The following TET3 variants were observed in gnomAD, a reference collection of about 807,000 sequenced individuals.
The protein encoded by TET3 is methylcytosine dioxygenase TET3.
In TET3, 19 loss-of-function variants were observed where a neutral mutation model predicts 141.4. The observed-to-expected ratio is 0.13, with a 90% CI of 0.09 to 0.20. The LOEUF is 0.20. TET3 is among the 10% of genes least tolerant of loss of function. TET3 has a pLI of 1.00. For synonymous variants in TET3, 1,043 were observed against 980.9 expected (o/e 1.06, Z -1.18); for missense variants, 1,874 against 2,356.9 (o/e 0.80, Z 4.24).
Position 74,106,663 on chromosome 2 carries a change from TTTC to T in TET3, c.*4493_*4495del, listed in dbSNP as rs1265788515. The stretch of plus-strand genomic sequence containing the variant: ...GCTTTTTAGTTGGTGCTAACCTAAA[TTTC>T]TTCTTGGGTCCACAGAAGTTGATGT... On this transcript the variant is annotated 3_prime_UTR_variant, in exon 12 of 12. Coordinates refer to ENST00000409262, the MANE Select transcript of TET3 (RefSeq NM_001287491.2). 1 of 153,796 alleles carries T rather than the reference TTTC, an allele frequency of 6.5e-6. No homozygotes were observed. The highest frequency in any genetic ancestry group is 1.5e-5 in the Non-Finnish European group (1 of 68,050). The allele number at this position is 153,796 out of a possible 1,614,324, so 9.5% of individuals were successfully genotyped here. A position where few individuals can be genotyped will look rare whatever the true frequency, so the allele number is the denominator to read the frequency against.
chr2:73,985,544 G>A (rs1050339873), intron 1 of TET3, among the ~76,000 whole-genome samples: 7 of 147,618 alleles, frequency 4.7e-5, no homozygotes, highest in African/African-American at 1.5e-4. Context: ...GGGCTGCCCA[G>A]GGCGCGCCCC....
the TET3 span, among the ~76,000 whole-genome samples, chr2:74,124,415 G>A: frequency 1.2e-4 from 18 of 151,990 alleles, 1 homozygote; most frequent in Admixed American, 7.9e-4. Context: ...CTGCCCAGCC[G>A]CCACCCCGTC....
chr2:74,030,425 A>G (rs998398731), intron 3 of TET3, among the ~76,000 whole-genome samples: 3 of 152,150 alleles, frequency 2.0e-5, no homozygotes, highest in Admixed American at 2.0e-4. Context: ...ATTGTATCAT[A>G]GTTTACCAAA....
chr2:74,099,141 T>G (rs1351311766), intron 10 of TET3, 135 bp from the exon 11 acceptor site: 12 of 781,884 alleles, frequency 1.5e-5, no homozygotes, highest in Non-Finnish European at 1.4e-5. Context: ...TTCCACAAAC[T>G]CTTGGAAGTA....
At position 74,089,414 on chromosome 2, in the gene TET3, C is replaced by T. The variant is rs543473692; in HGVS notation, c.2889-483C>T. Among the ~76,000 whole-genome samples the T allele has an allele frequency of 2.2e-3, 334 of 152,272 alleles. 1 individual carries two copies. Among genetic ancestry groups the T allele is most frequent in the African/African-American group, 7.5e-3 (311 of 41,550 alleles). On this transcript the variant is annotated intron_variant, in intron 7 of 11. Transcript: ENST00000409262. ...CTTATCCATCCCCCAGTTAGGGGCACTTGGGTTGTTTCCAGATTGTATTAA... is the reference window on the plus strand; with the variant it reads ...CTTATCCATCCCCCAGTTAGGGGCATTTGGGTTGTTTCCAGATTGTATTAA...
At chr2:74,133,990 C>T in the TET3 span, among the ~76,000 whole-genome samples, 14 of 152,078 alleles carry the variant, frequency 9.2e-5, no homozygotes, top group Non-Finnish European at 1.3e-4. Context: ...TGATCCCCCC[C>T]CCTCGGCCTC....
At chr2:74,090,312 T>A (rs1220810251) in intron 8 of TET3, among the ~76,000 whole-genome samples, 1 of 152,196 alleles carries the variant, frequency 6.6e-6, no homozygotes, top group African/African-American at 2.4e-5. Context: ...ACTCCAAATA[T>A]CGAAGATACA....
chr2:74,052,614 G>C (rs796711211), intron 4 of TET3, among the ~76,000 whole-genome samples: 25 of 150,810 alleles, frequency 1.7e-4, no homozygotes, highest in African/African-American at 6.1e-4. Flanking sequence ...GCTCATGCCT[G>C]TAATCCCAGC....
At chr2:74,052,855 G>A (rs994479579) in intron 4 of TET3, among the ~76,000 whole-genome samples, 2 of 152,140 alleles carry the variant, frequency 1.3e-5, no homozygotes, top group African/African-American at 4.8e-5. Context: ...GGGCGAAAGA[G>A]CAAGACTCTG....
In TET3 at chr2:74,041,338, G is replaced by A. The variant is rs115179967; in HGVS notation, c.361-4940G>A. ...AGTTTTATCTTGTTCAGAACCAAAA[G>A]GGAGCTGTTCCTCTTGTGGTTTTGA... On this transcript the variant is annotated intron_variant, in intron 3 of 11. Coordinates refer to ENST00000409262, the MANE Select transcript of TET3 (RefSeq NM_001287491.2). 3.6e-3 allele frequency among the ~76,000 whole-genome samples: 547 copies of A among 152,248 alleles called. 3 individuals carry two copies. The highest frequency in any genetic ancestry group is 0.013 in the African/African-American group (533 of 41,544).
chr2:74,002,411 G>T (rs1310678446), intron 2 of TET3, among the ~76,000 whole-genome samples: 2 of 142,756 alleles, frequency 1.4e-5, no homozygotes, highest in Non-Finnish European at 3.0e-5. Context: ...ACCCGGAGGC[G>T]CAGTCTGTCA....
At position 74,047,099 on chromosome 2, in the gene TET3, C is replaced by G. The variant is rs1438265199; in HGVS notation, c.1182C>G (p.Phe394Leu). The change falls in exon 4 of 12, where the codon TTC becomes TTG. Residue 394 changes from phenylalanine (F) to leucine (L), a missense_variant. This residue lies in a region of TET3 where 484 missense variants were observed against 462.2 expected (regional missense o/e 1.05). Transcript: ENST00000409262. ...AGGCCTTGTCACCTCCTGCCCCTTT[C>G]AGATCTCCCCAGTCTTACCTCCGGG... The part of the protein sequence containing the change: ...LPEALSPPAP[F>L]RSPQSYLRAP... The G allele has an allele frequency of 1.2e-6, 2 of 1,613,876 alleles. No individual in the cohort carries two copies. The highest frequency in any genetic ancestry group is 1.7e-6 in the Non-Finnish European group (2 of 1,179,884).
At chr2:74,082,270 T>C (rs939070887) in intron 6 of TET3, among the ~76,000 whole-genome samples, 5 of 152,176 alleles carry the variant, frequency 3.3e-5, no homozygotes, top group Non-Finnish European at 7.3e-5. Flanking sequence ...GTGGCCCCAC[T>C]GAGGGCTGGG....
intron 3 of TET3, among the ~76,000 whole-genome samples, chr2:74,009,560 G>T (rs1401728715): frequency 6.6e-6 from 1 of 152,186 alleles, no homozygotes; most frequent in Non-Finnish European, 1.5e-5. Flanking sequence ...GGTTTTCAGG[G>T]GAGCCCTGGA....
the TET3 span, among the ~76,000 whole-genome samples, chr2:74,119,464 G>A: frequency 6.6e-6 from 1 of 152,064 alleles, no homozygotes; most frequent in Non-Finnish European, 1.5e-5. Flanking sequence ...ATCAGGTTGA[G>A]CCTATTAGAA....
At chr2:74,058,758 C>T (rs1397120485) in intron 4 of TET3, among the ~76,000 whole-genome samples, 2 of 152,128 alleles carry the variant, frequency 1.3e-5, no homozygotes, top group African/African-American at 4.8e-5. Flanking sequence ...GAAGTCCACC[C>T]CTCCAGGCAC....
chr2:74,046,554 T>G lies in TET3; in HGVS notation c.637T>G (p.Tyr213Asp). The G allele has an allele frequency of 6.2e-7, 1 of 1,613,990 alleles. No homozygotes were observed. The highest frequency in any genetic ancestry group is 8.5e-7 in the Non-Finnish European group (1 of 1,179,866). Residue 213 changes from tyrosine (Y) to aspartate (D), a missense_variant, in exon 4 of 12, where the codon TAT becomes GAT. Around this residue, in one of 10 missense-constraint regions of TET3, gnomAD observed 366 missense variants for 487.0 expected, o/e 0.75. Coordinates refer to ENST00000409262, the MANE Select transcript of TET3 (RefSeq NM_001287491.2). This position sits in a 1 kb window ranked among gnomAD's most constrained non-coding sequence, Gnocchi z 4.3. Reference protein sequence around the residue: ...FSAVAEAVSSYGALSTRLYET... With the variant: ...FSAVAEAVSSDGALSTRLYET... Reference sequence around the variant, plus strand: ...GGCTGTGGCCGAAGCTGTGTCCTCTTATGGGGCCCTTAGCACCCGGCTCTA... The same window carrying G: ...GGCTGTGGCCGAAGCTGTGTCCTCTGATGGGGCCCTTAGCACCCGGCTCTA...
chr2:74,085,303 C>T (rs1269135538), intron 6 of TET3, among the ~76,000 whole-genome samples: 3 of 152,298 alleles, frequency 2.0e-5, no homozygotes, highest in Non-Finnish European at 4.4e-5. Flanking sequence ...TAAGGCCTGG[C>T]CTCCCCCTGT....
chr2:74,085,297 G>T (rs535180454), intron 6 of TET3, among the ~76,000 whole-genome samples: 7 of 152,268 alleles, frequency 4.6e-5, no homozygotes, highest in African/African-American at 1.7e-4. Context: ...TGGCAATAAG[G>T]CCTGGCCTCC....
Sources: allele counts gnomAD v4.1 joint callset (sites outside exome capture counted in the v4.1 genomes callset), GRCh38; gene constraint gnomAD v4.1.1; regional missense constraint gnomAD v4.1.1; non-coding constraint Gnocchi (gnomAD v3.1); transcripts MANE v1.5; gene names NCBI Gene and HGNC (gene_info 2026-07-23, HGNC 2026-07-21).